The following ZNF737 variants were observed in gnomAD, a reference collection of about 807,000 sequenced individuals.
The protein encoded by ZNF737 is zinc finger protein 102 (Y3).
In ZNF737, 13 loss-of-function variants were observed where a neutral mutation model predicts 11.7. The ratio of observed to expected loss-of-function variants is 1.11; its 90% CI spans 0.73 to 1.77. The LOEUF is 1.77. ZNF737 is among the 40% of genes most tolerant of loss of function. The pLI is 0.00. For synonymous variants in ZNF737, 217 were observed against 216.2 expected (o/e 1.00, Z -0.03); for missense variants, 636 against 638.0 (o/e 1.00, Z 0.03).
chr19:20,549,723 A>C (rs1254570082), intron 3 of ZNF737, among the ~76,000 whole-genome samples: 1 of 138,930 alleles, frequency 7.2e-6, no homozygotes, highest in Non-Finnish European at 1.6e-5. Context: ...TGAGGTCAGG[A>C]GTTCAAGACC....
At position 20,539,541 on chromosome 19, in the gene ZNF737, T is replaced by A. The variant is rs1968114540; in HGVS notation, c.*5051A>T. 9.1e-6 allele frequency: 9 copies of A among 984,804 alleles called. No individual in the cohort carries two copies. Among genetic ancestry groups the A allele is most frequent in the Non-Finnish European group, 9.6e-6 (8 of 829,348 alleles). The allele number at this position is 984,804 out of a possible 1,614,324, so 61.0% of individuals were successfully genotyped here. On this transcript the variant is annotated 3_prime_UTR_variant, in exon 4 of 4. Transcript: ENST00000427401. Reference sequence around the variant, plus strand: ...ATTCCATTTCAAATGTTTTCTCTAATGTTACCTTGGTCATGTGAATCTAAA... The same window carrying A: ...ATTCCATTTCAAATGTTTTCTCTAAAGTTACCTTGGTCATGTGAATCTAAA...
chr19:20,558,804 G>A (rs1968981678), intron 1 of ZNF737, among the ~76,000 whole-genome samples: 1 of 152,200 alleles, frequency 6.6e-6, no homozygotes, highest in South Asian at 2.1e-4. Context: ...ACCCTGGGCT[G>A]ATGGCCCAAT....
rs1968281550 is a variant in ZNF737 at position 20,543,017 on chromosome 19, GT to G, written c.*1574del. On this transcript the variant is annotated 3_prime_UTR_variant, in exon 4 of 4. Transcript: ENST00000427401. ...ACCTAAAAACTGCAGTTGTGGATTAGTTTTTATATTCAATGCTCTGATTTAG... is the reference window on the plus strand; with the variant it reads ...ACCTAAAAACTGCAGTTGTGGATTAGTTTTATATTCAATGCTCTGATTTAG... 1.0e-6 allele frequency: 1 copy of G among 985,268 alleles called. No homozygotes were observed. Among genetic ancestry groups the G allele is most frequent in the Non-Finnish European group, 1.2e-6 (1 of 829,806 alleles). The allele number at this position is 985,268 out of a possible 1,614,324, so 61.0% of individuals were successfully genotyped here.
chr19:20,547,401 A>AAAAAAAC (rs375309959), intron 3 of ZNF737, among the ~76,000 whole-genome samples: 1 of 141,232 alleles, frequency 7.1e-6, no homozygotes, highest in African/African-American at 2.6e-5. Flanking sequence ...AAAAAAAAAA[A>AAAAAAAC]CACCACCTAC....
At chr19:20,559,263 AT>A (rs1968995957) in intron 1 of ZNF737, among the ~76,000 whole-genome samples, 2 of 152,154 alleles carry the variant, frequency 1.3e-5, no homozygotes, top group Admixed American at 1.3e-4. Flanking sequence ...ATAAAAGAAA[AT>A]TTTTGCAAAC....
intron 1 of ZNF737, among the ~76,000 whole-genome samples, chr19:20,555,154 C>A (rs533689431): frequency 5.3e-5 from 8 of 151,072 alleles, no homozygotes; most frequent in Non-Finnish European, 2.9e-5. Flanking sequence ...TGAGCCATTG[C>A]GCCCAATCTA....
At chr19:20,565,227 G>C (rs1379508909) in intron 1 of ZNF737, among the ~76,000 whole-genome samples, 1 of 152,256 alleles carries the variant, frequency 6.6e-6, no homozygotes, top group Admixed American at 6.5e-5. Flanking sequence ...GAACGACTGC[G>C]CCCGGCCCCA....
At chr19:20,536,428 G>A (rs1368162295), downstream of ZNF737, among the ~76,000 whole-genome samples, 1 of 152,018 alleles carries the variant, frequency 6.6e-6, no homozygotes, top group Non-Finnish European at 1.5e-5. Context: ...TATATCACCT[G>A]CCTCTGCTAT....
In ZNF737 at chr19:20,540,997, T is replaced by TC; in HGVS notation, c.*3594dup. 3.0e-6 allele frequency: 3 copies of TC among 984,780 alleles called. No homozygotes were observed. Among genetic ancestry groups the TC allele is most frequent in the Non-Finnish European group, 1.2e-6 (1 of 829,560 alleles). 61.0% of individuals were successfully genotyped at this position (984,780 alleles called of 1,614,324 possible). A position where few individuals can be genotyped will look rare whatever the true frequency, so the allele number is the denominator to read the frequency against. ...ATAAGTGTTAAAAATGATTTTTTTT[T>TC]CCTGTTTTAAGAGGGCTTTTATTAT... is the stretch of plus-strand genomic sequence containing the variant. On this transcript the variant is annotated 3_prime_UTR_variant, in exon 4 of 4. Coordinates refer to ENST00000427401, the MANE Select transcript of ZNF737 (RefSeq NM_001159293.2).
chr19:20,533,271 A>G (rs1967873337), downstream of ZNF737, among the ~76,000 whole-genome samples: 1 of 150,142 alleles, frequency 6.7e-6, no homozygotes, highest in African/African-American at 2.5e-5. Flanking sequence ...TAGATATAGT[A>G]TTCTATAGGG....
At chr19:20,561,916 A>G (rs558148909) in intron 1 of ZNF737, among the ~76,000 whole-genome samples, 1 of 152,280 alleles carries the variant, frequency 6.6e-6, no homozygotes, top group African/African-American at 2.4e-5. Flanking sequence ...AGTTTAATAT[A>G]TAAGATGCAG....
In ZNF737 at chr19:20,542,617, A is replaced by T. The variant is rs1375141174; in HGVS notation, c.*1975T>A. On this transcript the variant is annotated 3_prime_UTR_variant, in exon 4 of 4. Coordinates refer to ENST00000427401, the MANE Select transcript of ZNF737 (RefSeq NM_001159293.2). Reference sequence around the variant, plus strand: ...ACTCATTTATTTTAATATACTTTTAATTATTTCTTTGTGTCACTATAATAA... The same window carrying T: ...ACTCATTTATTTTAATATACTTTTATTTATTTCTTTGTGTCACTATAATAA... 1 of 972,334 alleles carries T rather than the reference A, an allele frequency of 1.0e-6. No homozygotes were observed. Among genetic ancestry groups the T allele is most frequent in the Non-Finnish European group, 1.2e-6 (1 of 818,178 alleles). 60.2% of individuals were successfully genotyped at this position (972,334 alleles called of 1,614,324 possible). A position where few individuals can be genotyped will look rare whatever the true frequency, so the allele number is the denominator to read the frequency against.
intron 3 of ZNF737, among the ~76,000 whole-genome samples, chr19:20,551,957 C>A (rs1599420830): frequency 1.1e-5 from 1 of 89,060 alleles, no homozygotes; most frequent in African/African-American, 7.1e-5. Flanking sequence ...ATAGCCAAAG[C>A]AATCTTGAAA....
chr19:20,552,395 A>G (rs1555758723), intron 3 of ZNF737, 80 bp downstream of exon 3: 3 of 988,474 alleles, frequency 3.0e-6, no homozygotes, highest in Non-Finnish European at 4.3e-6. Context: ...CCCAAATCAC[A>G]CTTTAAGGAC....
intron 1 of ZNF737, among the ~76,000 whole-genome samples, chr19:20,560,561 A>G (rs2144694645): frequency 6.6e-6 from 1 of 152,226 alleles, no homozygotes; most frequent in African/African-American, 2.4e-5. Flanking sequence ...TAGGTTGATC[A>G]CTTGAGGTCA....
chr19:20,534,753 C>T (rs1172139196), downstream of ZNF737, among the ~76,000 whole-genome samples: 3 of 149,762 alleles, frequency 2.0e-5, 1 homozygote, highest in African/African-American at 7.4e-5. Context: ...CCAATTTGAT[C>T]AGTAGCCTCT....
In ZNF737 at chr19:20,544,864, G is replaced by T. The variant is rs782170457; in HGVS notation, c.1339C>A (p.His447Asn). The change falls in exon 4 of 4, where the codon CAT (histidine) becomes AAT (asparagine). Residue 447 changes from histidine to asparagine, a missense_variant. By Grantham distance (68) the His-to-Asn change is moderately conservative. Transcript: ENST00000427401. The part of the protein sequence containing the change: ...FSILTTHKRI[H>N]TGEKPYKCEE... ...CATTTGTAGGGTTTCTCTCCAGTAT[G>T]AATTCTCTTATGTGTAGTAAGGATA... The T allele has an allele frequency of 1.8e-5, 29 of 1,613,696 alleles. No individual in the cohort carries two copies. The highest frequency in any genetic ancestry group is 2.5e-5 in the Non-Finnish European group (29 of 1,179,904).
rs1034144010 is a variant in ZNF737, at chr19:20,543,662, A to G, written c.*930T>C. 1 of 985,524 alleles carries G rather than the reference A, an allele frequency of 1.0e-6. No individual in the cohort carries two copies. Among genetic ancestry groups the G allele is most frequent in the Non-Finnish European group, 1.2e-6 (1 of 829,934 alleles). The allele number at this position is 985,524 out of a possible 1,614,324, so 61.0% of individuals were successfully genotyped here. On this transcript the variant is annotated 3_prime_UTR_variant, in exon 4 of 4. Coordinates refer to ENST00000427401, the MANE Select transcript of ZNF737 (RefSeq NM_001159293.2). ...GTATGAATTATCCAACCTACAATCA[A>G]GAGTGGCAACCATATAAAGGCTTTG...
intron 1 of ZNF737, among the ~76,000 whole-genome samples, chr19:20,555,761 A>C (rs1047118022): frequency 2.0e-5 from 3 of 152,152 alleles, no homozygotes; most frequent in Admixed American, 2.0e-4. Context: ...TACTAAACGC[A>C]TGGCAGTCCA....
Sources: allele counts gnomAD v4.1 joint callset (sites outside exome capture counted in the v4.1 genomes callset), GRCh38; gene constraint gnomAD v4.1.1; transcripts MANE v1.5; gene names NCBI Gene and HGNC (gene_info 2026-07-23, HGNC 2026-07-21).